SH3BP5: variants seen among roughly 807,000 people sequenced by gnomAD.
The protein encoded by SH3BP5 is SH3 domain-binding protein 5.
SH3BP5 carries 22 observed loss-of-function variants against 43.3 expected under a neutral mutation model. That is an observed-to-expected ratio of 0.51 (90% CI 0.36 to 0.73). The LOEUF is 0.73. SH3BP5 is among the 30% of genes least tolerant of loss of function. SH3BP5 has a pLI of 0.00. For missense variants in SH3BP5, 529 were observed against 586.9 expected (o/e 0.90, Z 1.02); for synonymous variants, 255 against 225.8 (o/e 1.13, Z -1.16).
chr3:15,319,574 G>T (rs1367813299), intron 2 of SH3BP5, among the ~76,000 whole-genome samples: 6 of 152,158 alleles, frequency 3.9e-5, no homozygotes, highest in Non-Finnish European at 8.8e-5. Context: ...GATTATAATA[G>T]AAGAGCTGCT....
chr3:15,283,173 G>A (rs886569299), intron 3 of SH3BP5, among the ~76,000 whole-genome samples: 1 of 152,210 alleles, frequency 6.6e-6, no homozygotes, highest in Non-Finnish European at 1.5e-5. Flanking sequence ...CAAGGCGGGT[G>A]GATCACATGA....
intron 8 of SH3BP5, 81 bp from the exon 9 acceptor site, chr3:15,256,384 G>A: frequency 7.0e-7 from 1 of 1,434,576 alleles, no homozygotes; most frequent in Non-Finnish European, 9.6e-7. Context: ...ATTATCAAAA[G>A]TGAGTATTGA....
chr3:15,266,910 C>T (rs1465101580), intron 4 of SH3BP5, among the ~76,000 whole-genome samples: 1 of 152,240 alleles, frequency 6.6e-6, no homozygotes, highest in Non-Finnish European at 1.5e-5. Flanking sequence ...TACGTGGGAA[C>T]CCCAGTGTCC....
At chr3:15,284,641 T>C (rs1341270189) in intron 3 of SH3BP5, among the ~76,000 whole-genome samples, 1 of 152,224 alleles carries the variant, frequency 6.6e-6, no homozygotes, top group East Asian at 1.9e-4. Context: ...CTTCTCCATA[T>C]TGGCCAGGAT....
rs148900141 is a variant in SH3BP5 at position 15,276,450 on chromosome 3, C to G, written c.331-6573G>C. The stretch of plus-strand genomic sequence containing the variant: ...TTTCAGTTCAACCATGCAGTGTGTA[C>G]CCCCCGGAGTAACTCATTAACACAG... On this transcript the variant is annotated intron_variant, in intron 3 of 8. Transcript: ENST00000383791. 5.6e-3 allele frequency among the ~76,000 whole-genome samples: 845 copies of G among 152,230 alleles called. 9 individuals carry two copies. Among genetic ancestry groups the G allele is most frequent in the African/African-American group, 0.02 (812 of 41,540 alleles).
At chr3:15,263,515 T>C (rs1696528304) in intron 4 of SH3BP5, among the ~76,000 whole-genome samples, 1 of 152,250 alleles carries the variant, frequency 6.6e-6, no homozygotes, top group Non-Finnish European at 1.5e-5. Context: ...AACCCAGTCA[T>C]TCACATCAGA....
chr3:15,330,713 G>T, intron 1 of SH3BP5, 147 bp from the exon 2 acceptor site: 1 of 1,395,920 alleles, frequency 7.2e-7, no homozygotes, highest in Non-Finnish European at 9.3e-7. Context: ...AAACAGTTGA[G>T]GCTTGACTAG....
chr3:15,256,368 A>G, intron 8 of SH3BP5, 65 bp from the exon 9 acceptor site: 1 of 1,501,228 alleles, frequency 6.7e-7, no homozygotes. Flanking sequence ...CTATAGAAAT[A>G]CAAAGATTAT....
At chr3:15,319,559 C>A (rs1304329846) in intron 2 of SH3BP5, among the ~76,000 whole-genome samples, 1 of 152,102 alleles carries the variant, frequency 6.6e-6, no homozygotes, top group Non-Finnish European at 1.5e-5. Flanking sequence ...CTGCTTGGAC[C>A]AACAGATTAT....
chr3:15,275,022 GCA>G (rs1359809734), intron 3 of SH3BP5, among the ~76,000 whole-genome samples: 2 of 152,204 alleles, frequency 1.3e-5, no homozygotes, highest in African/African-American at 4.8e-5. Context: ...TTGGGAGGGA[GCA>G]CAGACCCAAA....
rs1559432604 is a variant in SH3BP5 at position 15,272,557 on chromosome 3, G to GGA, written c.331-2682_331-2681dup. On this transcript the variant is annotated intron_variant, in intron 3 of 8. Coordinates refer to ENST00000383791, the MANE Select transcript of SH3BP5 (RefSeq NM_004844.5). ...GACATTACAAAACAGAGTGCCTGTA[G>GGA]GATAAAGACATTACAAAACAGAGTG... Among the ~76,000 whole-genome samples the GGA allele has an allele frequency of 1.8e-4, 18 of 101,960 alleles. 1 individual carries two copies. Among genetic ancestry groups the GGA allele is most frequent in the East Asian group, 8.1e-4 (3 of 3,700 alleles). The allele number at this position is 101,960 out of a possible 152,430, so 66.9% of individuals were successfully genotyped here.
intron 2 of SH3BP5, among the ~76,000 whole-genome samples, chr3:15,306,042 C>T (rs1575332478): frequency 1.1e-5 from 1 of 91,858 alleles, no homozygotes; most frequent in South Asian, 3.9e-4. Flanking sequence ...AGGAAGGACA[C>T]ATGCATGAGT....
At chr3:15,272,951 T>C (rs2688667) in intron 3 of SH3BP5, among the ~76,000 whole-genome samples, 86,773 of 149,608 alleles carry the variant, frequency 0.58, 27,139 homozygotes, top group Non-Finnish European at 0.7. Flanking sequence ...CCCCAACCCC[T>C]GCCCCACCTC....
chr3:15,322,085 T>C (rs1181469976), intron 2 of SH3BP5, among the ~76,000 whole-genome samples: 1 of 151,970 alleles, frequency 6.6e-6, no homozygotes, highest in Non-Finnish European at 1.5e-5. Context: ...GCTCCTGTAA[T>C]CCAGCTACTT....
At position 15,255,630 on chromosome 3, in the gene SH3BP5, G is replaced by C. The variant is rs1696167289; in HGVS notation, c.*456C>G. On this transcript the variant is annotated 3_prime_UTR_variant, in exon 9 of 9. Coordinates refer to ENST00000383791, the MANE Select transcript of SH3BP5 (RefSeq NM_004844.5). ...AAAAATATGTGCTCTTAATACTTGA[G>C]TTTTTGCTTTGTGTGTGGGTTTTCT... The C allele has an allele frequency of 6.5e-6, 1 of 153,944 alleles. No homozygotes were observed. The highest frequency in any genetic ancestry group is 1.4e-5 in the Non-Finnish European group (1 of 69,292). The allele number at this position is 153,944 out of a possible 1,614,324, so 9.5% of individuals were successfully genotyped here.
intron 3 of SH3BP5, among the ~76,000 whole-genome samples, chr3:15,281,300 G>T (rs894516585): frequency 6.6e-6 from 1 of 152,184 alleles, no homozygotes; most frequent in Non-Finnish European, 1.5e-5. Flanking sequence ...CACAAAACTG[G>T]CATTGATTTG....
intron 2 of SH3BP5, among the ~76,000 whole-genome samples, chr3:15,329,767 CA>C (rs1559462322): frequency 6.6e-6 from 1 of 152,218 alleles, no homozygotes; most frequent in East Asian, 1.9e-4. Flanking sequence ...AGTCAATTCA[CA>C]GTCTCCTGAA....
intron 2 of SH3BP5, among the ~76,000 whole-genome samples, chr3:15,309,411 G>C (rs1340853963): frequency 6.6e-6 from 1 of 152,112 alleles, no homozygotes; most frequent in Admixed American, 6.5e-5. Context: ...TTGCTATGAT[G>C]CCCAGGCTGG....
At chr3:15,267,331 C>T (rs534292561) in intron 4 of SH3BP5, among the ~76,000 whole-genome samples, 102 of 152,318 alleles carry the variant, frequency 6.7e-4, no homozygotes, top group African/African-American at 1.1e-3. Flanking sequence ...CTGCTCTGCA[C>T]GCTGAAATTC....
Sources: allele counts gnomAD v4.1 joint callset (sites outside exome capture counted in the v4.1 genomes callset), GRCh38; gene constraint gnomAD v4.1.1; transcripts MANE v1.5; gene names NCBI Gene and HGNC (gene_info 2026-07-23, HGNC 2026-07-21).